The following KCNH1 variants were observed in gnomAD, a reference collection of about 807,000 sequenced individuals.
The protein encoded by KCNH1 is voltage-gated delayed rectifier potassium channel KCNH1.
Under a neutral mutation model 69.2 loss-of-function variants are expected in KCNH1, and 27 were observed. The ratio of observed to expected loss-of-function variants is 0.39; its 90% CI spans 0.29 to 0.54. The LOEUF (loss-of-function observed/expected upper bound fraction) is 0.54, where lower values mean the gene tolerates loss of function less well. Among genes scored for constraint, KCNH1 ranks in the 20% least tolerant of loss-of-function variants. KCNH1 has a pLI of 0.68. For synonymous variants in KCNH1, 456 were observed against 487.7 expected (o/e 0.93, Z 0.86); for missense variants, 798 against 1,261.6 (o/e 0.63, Z 5.57).
chr1:211,053,730 A>C (rs1214532449), intron 5 of KCNH1, among the ~76,000 whole-genome samples: 2 of 152,152 alleles, frequency 1.3e-5, no homozygotes, highest in Admixed American at 6.6e-5. Flanking sequence ...TGACATTGAT[A>C]AACTCAACTT....
intron 7 of KCNH1, among the ~76,000 whole-genome samples, chr1:210,894,609 A>G (rs1630770): frequency 0.82 from 124,938 of 152,116 alleles, 51,475 homozygotes; most frequent in Non-Finnish European, 0.85. Context: ...TCAAAAGTGC[A>G]TGTGTTGAAA....
At chr1:210,963,666 T>A (rs1383962605) in intron 6 of KCNH1, among the ~76,000 whole-genome samples, 1 of 151,872 alleles carries the variant, frequency 6.6e-6, no homozygotes, top group Non-Finnish European at 1.5e-5. Flanking sequence ...AATAGCCGAA[T>A]TGATCAAGCG....
At chr1:210,779,838 T>C (rs553548291) in intron 9 of KCNH1, among the ~76,000 whole-genome samples, 5 of 152,326 alleles carry the variant, frequency 3.3e-5, no homozygotes, top group Admixed American at 3.3e-4. Context: ...GAGCTGTCTT[T>C]ACTGAACCTC....
intron 6 of KCNH1, among the ~76,000 whole-genome samples, chr1:211,015,890 C>T (rs1689483002): frequency 6.6e-6 from 1 of 152,112 alleles, no homozygotes; most frequent in Non-Finnish European, 1.5e-5. Context: ...GAGGTGTTAG[C>T]CAAAGCTTTA....
intron 3 of KCNH1, among the ~76,000 whole-genome samples, chr1:211,101,316 T>TAC (rs112274416): frequency 0.33 from 50,572 of 151,480 alleles, 8,477 homozygotes; most frequent in African/African-American, 0.35. Context: ...AAAAAAACCA[T>TAC]ACACACACAC....
At chr1:211,001,362 C>A (rs531973491) in intron 6 of KCNH1, among the ~76,000 whole-genome samples, 4 of 152,262 alleles carry the variant, frequency 2.6e-5, no homozygotes, top group Admixed American at 2.6e-4. Context: ...AGGATATGAA[C>A]AGACACTTCT....
At chr1:210,746,703 T>C (rs1683170126) in intron 10 of KCNH1, among the ~76,000 whole-genome samples, 1 of 152,164 alleles carries the variant, frequency 6.6e-6, no homozygotes, top group Non-Finnish European at 1.5e-5. Context: ...CCTGCCACCA[T>C]GCCTGGCTAA....
intron 4 of KCNH1, among the ~76,000 whole-genome samples, chr1:211,085,666 G>T (rs1354713262): frequency 6.6e-6 from 1 of 152,190 alleles, no homozygotes; most frequent in African/African-American, 2.4e-5. Flanking sequence ...GGAGGCTCCT[G>T]AGTTTCTGGT....
At chr1:210,845,818 A>G (rs1685530454) in intron 7 of KCNH1, among the ~76,000 whole-genome samples, 3 of 152,324 alleles carry the variant, frequency 2.0e-5, no homozygotes, top group Admixed American at 1.3e-4. Flanking sequence ...ATGATTGTAT[A>G]TCTAGAAAAC....
At position 210,754,844 on chromosome 1, in the gene KCNH1, G is replaced by GCACA. The variant is rs3040180; in HGVS notation, c.2112+20500_2112+20503dup. 2.0e-3 allele frequency among the ~76,000 whole-genome samples: 291 copies of GCACA among 148,954 alleles called. 5 individuals carry two copies. The East Asian group carries it at 0.036, about 18-fold the overall frequency. On this transcript the variant is annotated intron_variant, in intron 10 of 10. Transcript: ENST00000271751. ...GGGCCTGATACACAAGTACACACGG[G>GCACA]CACACACACACACACACACACACAC...
At chr1:211,128,763 G>A (rs12118669) in intron 1 of KCNH1, among the ~76,000 whole-genome samples, 5,949 of 152,272 alleles carry the variant, frequency 0.039, 184 homozygotes, top group Admixed American at 0.079. Context: ...TTAAAGGTTT[G>A]CAGCTGGAAA....
intron 6 of KCNH1, among the ~76,000 whole-genome samples, chr1:210,980,433 G>A (rs754392506): frequency 1.3e-5 from 2 of 152,168 alleles, no homozygotes; most frequent in Non-Finnish European, 2.9e-5. Flanking sequence ...ATGATATTGA[G>A]AGCCTGATGT....
intron 5 of KCNH1, among the ~76,000 whole-genome samples, chr1:211,044,634 A>G (rs1690059512): frequency 6.6e-6 from 1 of 152,228 alleles, no homozygotes. Context: ...GAAGATATTC[A>G]AATGGCCAAC....
intron 10 of KCNH1, among the ~76,000 whole-genome samples, chr1:210,747,096 G>A (rs146337966): frequency 3.9e-5 from 6 of 152,284 alleles, no homozygotes; most frequent in African/African-American, 1.2e-4. Flanking sequence ...CCACCACCTT[G>A]TGGGTTGGAG....
At chr1:210,726,659 C>A (rs906492532) in intron 10 of KCNH1, among the ~76,000 whole-genome samples, 1 of 152,190 alleles carries the variant, frequency 6.6e-6, no homozygotes, top group Non-Finnish European at 1.5e-5. Context: ...ACCTCAGATG[C>A]AGGATCAGGT....
chr1:210,696,688 G>A (rs541217301), intron 10 of KCNH1, among the ~76,000 whole-genome samples: 2 of 152,312 alleles, frequency 1.3e-5, no homozygotes, highest in East Asian at 3.9e-4. Context: ...CAGTAATCAA[G>A]GCTTTGAATT....
intron 10 of KCNH1, among the ~76,000 whole-genome samples, chr1:210,696,739 A>C (rs1398054294): frequency 6.6e-6 from 1 of 152,156 alleles, no homozygotes; most frequent in Non-Finnish European, 1.5e-5. Context: ...GGGAGAGGGC[A>C]TGTTTCTTCC....
intron 6 of KCNH1, among the ~76,000 whole-genome samples, chr1:211,006,205 C>T (rs1689281052): frequency 6.6e-6 from 1 of 152,110 alleles, no homozygotes; most frequent in Non-Finnish European, 1.5e-5. Flanking sequence ...ATTTACCAAA[C>T]AATATACATA....
At chr1:210,937,942 G>A (rs909803372) in intron 6 of KCNH1, among the ~76,000 whole-genome samples, 4 of 152,216 alleles carry the variant, frequency 2.6e-5, no homozygotes. Context: ...ATCCATTTAT[G>A]TGGCTTTAAC....
Sources: gnomAD v4.1 joint callset for allele counts (sites outside exome capture counted in the v4.1 genomes callset) on GRCh38, gnomAD v4.1.1 for gene constraint, MANE v1.5 for transcripts, NCBI Gene and HGNC (gene_info 2026-07-23, HGNC 2026-07-21) for gene names.